Variants in MYRIP observed in about 807,000 individuals in gnomAD.
The protein encoded by MYRIP is rab effector MyRIP.
In MYRIP, 49 loss-of-function variants were observed where a neutral mutation model predicts 98.0. The observed-to-expected ratio is 0.50, with a 90% confidence interval of 0.40 to 0.63. The LOEUF is 0.63. Ranked by LOEUF, MYRIP falls within the 30% of genes least tolerant of loss-of-function variation. The pLI is 0.00. For synonymous variants in MYRIP, 404 were observed against 409.5 expected, an observed-to-expected ratio of 0.99 and a Z score of 0.16; for missense variants, 1,004 against 1,058.2, an observed-to-expected ratio of 0.95 and a Z score of 0.71.
At chr3:39,935,945 C>T (rs2068798) in intron 2 of MYRIP, among the ~76,000 whole-genome samples, 31,653 of 152,076 alleles carry the variant, frequency 0.21, 5,074 homozygotes, top group African/African-American at 0.45. Flanking sequence ...TTATGAATGA[C>T]GTTTTGAAAT....
chr3:39,916,317 T>A (rs1012167301), intron 2 of MYRIP, among the ~76,000 whole-genome samples: 4 of 151,744 alleles, frequency 2.6e-5, no homozygotes, highest in African/African-American at 9.7e-5. Context: ...ACAGCTCAAT[T>A]CAAGATGATA....
chr3:40,129,516 C>G (rs1032535684), intron 3 of MYRIP, among the ~76,000 whole-genome samples: 6 of 132,248 alleles, frequency 4.5e-5, no homozygotes, highest in Admixed American at 3.2e-4. Context: ...TTTTGCTACA[C>G]ATGGGAATCT....
intron 1 of MYRIP, among the ~76,000 whole-genome samples, chr3:39,845,122 A>C (rs1446874915): frequency 6.6e-6 from 1 of 152,230 alleles, no homozygotes; most frequent in Non-Finnish European, 1.5e-5. Context: ...CGGCAATAAA[A>C]GCAACAGCCC....
intron 1 of MYRIP, among the ~76,000 whole-genome samples, chr3:39,888,523 T>C (rs1943379573): frequency 6.6e-6 from 1 of 152,050 alleles, no homozygotes; most frequent in South Asian, 2.1e-4. Context: ...TATACCAAAA[T>C]CAATTCAAGA....
At chr3:39,864,311 C>T (rs1015288171) in intron 1 of MYRIP, among the ~76,000 whole-genome samples, 4 of 151,600 alleles carry the variant, frequency 2.6e-5, no homozygotes, top group African/African-American at 9.7e-5. Context: ...AGAAATTGGA[C>T]AAGAGGAAAA....
At position 40,252,014 on chromosome 3, in the gene MYRIP, T is replaced by C; in HGVS notation, c.2547+15T>C. ...AGGATTTGATGGTAAATGTCATCTC[T>C]GTCTTAATGTTCAACGCTTTCACTG... is the stretch of plus-strand genomic sequence containing the variant. On this transcript the variant is annotated intron_variant, in intron 16 of 16. Transcript: ENST00000302541. 1 of 1,562,946 alleles carries C rather than the reference T, an allele frequency of 6.4e-7. No homozygotes were observed. The highest frequency in any genetic ancestry group is 8.8e-7 in the Non-Finnish European group (1 of 1,133,826).
At chr3:40,160,529 G>T (rs977593539) in intron 4 of MYRIP, among the ~76,000 whole-genome samples, 1 of 152,180 alleles carries the variant, frequency 6.6e-6, no homozygotes, top group Non-Finnish European at 1.5e-5. Context: ...CACCCAGTTC[G>T]AGTTTCCTGG....
intron 1 of MYRIP, among the ~76,000 whole-genome samples, chr3:39,846,504 A>G (rs1214329325): frequency 6.6e-6 from 1 of 152,062 alleles, no homozygotes; most frequent in East Asian, 1.9e-4. Context: ...TCCCAAGTAG[A>G]TGCTGTTTCT....
At chr3:40,018,826 T>A (rs1946927282) in intron 2 of MYRIP, among the ~76,000 whole-genome samples, 1 of 152,142 alleles carries the variant, frequency 6.6e-6, no homozygotes, top group South Asian at 2.1e-4. Context: ...AAAATAAGCA[T>A]GAGAAAAATA....
At chr3:40,154,138 C>CA (rs5848550) in intron 4 of MYRIP, among the ~76,000 whole-genome samples, 51,926 of 138,120 alleles carry the variant, frequency 0.38, 11,309 homozygotes, top group Non-Finnish European at 0.51. Context: ...GATTCCGTCT[C>CA]AAAAAAAAAA....
intron 2 of MYRIP, among the ~76,000 whole-genome samples, chr3:39,984,675 C>T (rs1399477381): frequency 2.6e-5 from 4 of 151,884 alleles, no homozygotes. Context: ...TGAATAATGC[C>T]TCAATAAACA....
chr3:40,136,639 A>G (rs9819382), intron 3 of MYRIP, among the ~76,000 whole-genome samples: 32,742 of 143,534 alleles, frequency 0.23, 3,903 homozygotes, highest in South Asian at 0.37. Context: ...TGGAAGTAAA[A>G]CACTCCTCAG....
chr3:40,161,374 T>C (rs374740222), intron 4 of MYRIP, among the ~76,000 whole-genome samples: 49 of 152,292 alleles, frequency 3.2e-4, no homozygotes, highest in African/African-American at 1.1e-3. Context: ...CAAAGACTTT[T>C]TCACATCTCC....
At chr3:40,110,238 C>A (rs1949131600) in intron 3 of MYRIP, among the ~76,000 whole-genome samples, 1 of 152,160 alleles carries the variant, frequency 6.6e-6, no homozygotes, top group Admixed American at 6.5e-5. Flanking sequence ...GTGGCTGTGT[C>A]CTTGGAAAGG....
In MYRIP at chr3:39,940,986, T is replaced by C. The variant is rs79356320; in HGVS notation, c.110+40060T>C. Among the ~76,000 whole-genome samples the C allele has an allele frequency of 7.2e-5, 11 of 152,254 alleles. No individual in the cohort carries two copies. The East Asian group carries it at 2.1e-3, about 29-fold the overall frequency. On this transcript the variant is annotated intron_variant, in intron 2 of 16. Transcript: ENST00000302541. The stretch of plus-strand genomic sequence containing the variant: ...TTTAATGGATATTTATTGAGCCCCA[T>C]GGTATGCATTGCTGTACTTTGGAAA...
intron 3 of MYRIP, among the ~76,000 whole-genome samples, chr3:40,060,249 GTTC>G (rs1013631489): frequency 1.2e-4 from 19 of 152,172 alleles, no homozygotes; most frequent in Admixed American, 3.3e-4. Context: ...AGAACTGTGA[GTTC>G]TTCTTGGATG....
At chr3:39,971,897 G>T (rs1296170386) in intron 2 of MYRIP, among the ~76,000 whole-genome samples, 4 of 151,994 alleles carry the variant, frequency 2.6e-5, no homozygotes, top group East Asian at 1.9e-4. Context: ...GCCATCTGTT[G>T]ACCATAAATC....
At chr3:39,863,595 C>A (rs1012499189) in intron 1 of MYRIP, among the ~76,000 whole-genome samples, 3 of 152,102 alleles carry the variant, frequency 2.0e-5, no homozygotes, top group Non-Finnish European at 4.4e-5. Flanking sequence ...AAATGTACAA[C>A]CTCCCAAGAT....
chr3:40,244,396 C>G (rs755171785), intron 12 of MYRIP, 50 bp from the exon 13 acceptor site: 2 of 1,536,764 alleles, frequency 1.3e-6, no homozygotes, highest in Non-Finnish European at 1.8e-6. Flanking sequence ...GGACCCCCAA[C>G]CAGTCCCAAG....
Sources: allele counts gnomAD v4.1 joint callset (sites outside exome capture counted in the v4.1 genomes callset), GRCh38; gene constraint gnomAD v4.1.1; transcripts MANE v1.5; gene names NCBI Gene and HGNC (gene_info 2026-07-23, HGNC 2026-07-21).